CFAP251: variants seen among roughly 807,000 people sequenced by gnomAD.
The protein encoded by CFAP251 is cilia- and flagella-associated protein 251.
A neutral mutation model predicts 126.7 loss-of-function variants in CFAP251; 93 were observed. That is an observed-to-expected ratio of 0.73 (90% CI 0.62 to 0.87). The LOEUF (loss-of-function observed/expected upper bound fraction) is 0.87. Among genes scored for constraint, CFAP251 ranks in the 40% least tolerant of loss-of-function variants. The pLI, the probability that CFAP251 is intolerant of heterozygous loss-of-function variation, is 0.00. For missense variants in CFAP251, 1,287 were observed against 1,389.2 expected (o/e 0.93, Z 1.17); for synonymous variants, 503 against 506.9 (o/e 0.99, Z 0.10).
intron 21 of CFAP251, 180 bp downstream of exon 21, chr12:122,001,778 T>C (rs753553421): frequency 2.2e-5 from 14 of 627,018 alleles, no homozygotes; most frequent in Admixed American, 4.8e-5. Context: ...TGGTGGCTTT[T>C]GTTCCCGCGC....
intron 14 of CFAP251, among the ~76,000 whole-genome samples, chr12:121,961,673 A>T (rs1430171698): frequency 1.3e-5 from 2 of 152,226 alleles, no homozygotes; most frequent in African/African-American, 4.8e-5. Flanking sequence ...ATCCTTGAAC[A>T]TCTGTTTTCT....
intron 3 of CFAP251, among the ~76,000 whole-genome samples, chr12:121,930,316 G>C (rs1261122962): frequency 2.6e-5 from 4 of 152,088 alleles, no homozygotes; most frequent in African/African-American, 9.6e-5. Context: ...GTGAAACCCT[G>C]TTTCTACTAG....
chr12:121,977,721 C>A (rs1279051450), intron 19 of CFAP251, among the ~76,000 whole-genome samples: 18 of 149,344 alleles, frequency 1.2e-4, no homozygotes, highest in Non-Finnish European at 2.7e-4. Context: ...TTTGGGAGGC[C>A]AAGGCGGGCG....
rs759027289 is a variant in CFAP251 at position 121,954,228 on chromosome 12, C to T, written c.1429C>T (p.Arg477Cys). 20 of 1,613,984 alleles carry T rather than the reference C, an allele frequency of 1.2e-5. No individual in the cohort carries two copies. Among genetic ancestry groups the T allele is most frequent in the African/African-American group, 2.7e-5 (2 of 74,886 alleles). ...EGKLVVWDIH[R>C]PPSSASTFLG... ...GAAGCTGGTTGTCTGGGACATACAC[C>T]GCCCACCCTCATCTGCCTCCACCTT... The change falls in exon 10 of 22, where the codon CGC (arginine) becomes TGC (cysteine). Residue 477 changes from arginine (R) to cysteine (C), a missense_variant. Arg to Cys is a radical substitution (Grantham distance 180, BLOSUM62 -3). Coordinates refer to ENST00000288912, the MANE Select transcript of CFAP251 (RefSeq NM_144668.6).
chr12:121,987,728 A>G (rs1170636716), intron 19 of CFAP251, among the ~76,000 whole-genome samples: 1 of 152,064 alleles, frequency 6.6e-6, no homozygotes, highest in African/African-American at 2.4e-5. Flanking sequence ...AAAAAAAAAA[A>G]AAAAAGAATA....
At chr12:121,982,036 A>G (rs1593001780) in intron 19 of CFAP251, among the ~76,000 whole-genome samples, 1 of 152,168 alleles carries the variant, frequency 6.6e-6, no homozygotes, top group Admixed American at 6.5e-5. Context: ...CCATCTGTGG[A>G]TCCGTGATTC....
At chr12:121,994,023 G>T (rs1593008181) in intron 19 of CFAP251, among the ~76,000 whole-genome samples, 1 of 3,428 alleles carries the variant, frequency 2.9e-4, no homozygotes, top group Non-Finnish European at 6.4e-4. Flanking sequence ...GAGGGAGGTG[G>T]GGGGGGGGTC....
Position 121,958,499 on chromosome 12 carries a change from A to G in CFAP251, c.1958A>G (p.Gln653Arg), listed in dbSNP as rs766842938. ...GTTTTTGAGAAGGGGCTTGGAGTCCAGAGTCTGACCTACAACCCCGAAGGT... is the reference window on the plus strand; with the variant it reads ...GTTTTTGAGAAGGGGCTTGGAGTCCGGAGTCTGACCTACAACCCCGAAGGT... ...SRVFEKGLGV[Q>R]SLTYNPEGAL... is the part of the protein sequence containing the mutation. Residue 653 changes from glutamine to arginine, a missense_variant, in exon 12 of 22, where the codon CAG (glutamine) becomes CGG (arginine). Physicochemically the swap from Gln to Arg is conservative, Grantham distance 43. Coordinates refer to ENST00000288912, the MANE Select transcript of CFAP251 (RefSeq NM_144668.6). 1.9e-6 allele frequency: 3 copies of G among 1,614,256 alleles called. No individual in the cohort carries two copies. In the South Asian group the frequency reaches 3.3e-5, roughly 18 times the overall value.
intron 21 of CFAP251, 137 bp downstream of exon 21, chr12:122,001,735 C>T: frequency 1.4e-6 from 1 of 705,348 alleles, no homozygotes; most frequent in East Asian, 2.7e-5. Flanking sequence ...TGTTGGGAAT[C>T]CCACATGAAT....
At chr12:121,919,475 A>AT (rs1236117994) in intron 1 of CFAP251, among the ~76,000 whole-genome samples, 4 of 152,166 alleles carry the variant, frequency 2.6e-5, no homozygotes, top group African/African-American at 9.6e-5. Context: ...AACTGCTACC[A>AT]TTTTTTCAAG....
intron 3 of CFAP251, among the ~76,000 whole-genome samples, chr12:121,925,633 A>G (rs1880379187): frequency 1.3e-5 from 2 of 151,922 alleles, no homozygotes; most frequent in South Asian, 4.2e-4. Flanking sequence ...AGGGCTCACA[A>G]AGACTCTTGT....
chr12:121,968,957 C>T (rs927726472), intron 17 of CFAP251: 97 of 985,310 alleles, frequency 9.8e-5, no homozygotes, highest in Non-Finnish European at 1.1e-4. Flanking sequence ...CTCTCATCTA[C>T]CCAAATCCGG....
chr12:121,956,955 G>A (rs1246757538), intron 10 of CFAP251, 119 bp from the exon 11 acceptor site: 1 of 684,854 alleles, frequency 1.5e-6, no homozygotes, highest in East Asian at 3.2e-5. Flanking sequence ...CTCGTTGGGA[G>A]TATTAAATTA....
At chr12:121,919,143 A>ATTATT (rs1555215102) in intron 1 of CFAP251, among the ~76,000 whole-genome samples, 73 of 146,614 alleles carry the variant, frequency 5.0e-4, no homozygotes, top group Non-Finnish European at 6.6e-4. Context: ...TATTATTATT[A>ATTATT]TTTTTTTTTT....
chr12:121,949,222 A>G (rs2135771816), intron 8 of CFAP251, 161 bp downstream of exon 8: 1 of 379,602 alleles, frequency 2.6e-6, no homozygotes, highest in East Asian at 4.1e-5. Flanking sequence ...TAGTCCTATT[A>G]GAAATTAGCA....
At position 121,957,174 on chromosome 12, in the gene CFAP251, A is replaced by C. The variant is rs1278589708; in HGVS notation, c.1636A>C (p.Thr546Pro). The stretch of plus-strand genomic sequence containing the variant: ...TCACTTGAAACTGGGCGCCATAAGA[A>C]CTCTGTCCTTTTCAAAGACCCCAGC... ...YSHLKLGAIR[T>P]LSFSKTPATP... Residue 546 changes from threonine (T) to proline (P), a missense_variant, in exon 11 of 22, where the codon ACT (threonine) becomes CCT (proline). By Grantham distance (38) the Thr-to-Pro change is conservative. Coordinates refer to ENST00000288912, the MANE Select transcript of CFAP251 (RefSeq NM_144668.6). The C allele has an allele frequency of 6.2e-7, 1 of 1,613,962 alleles. No homozygotes were observed. The highest frequency in any genetic ancestry group is 1.7e-5 in the Admixed American group (1 of 59,994).
intron 21 of CFAP251, 189 bp downstream of exon 21, chr12:122,001,787 G>C (rs144732085): frequency 3.3e-5 from 20 of 609,316 alleles, no homozygotes; most frequent in African/African-American, 3.1e-4. Flanking sequence ...TTGTTCCCGC[G>C]CTCTGTCCGT....
At chr12:121,931,367 C>T (rs577598534) in intron 3 of CFAP251, among the ~76,000 whole-genome samples, 4 of 152,104 alleles carry the variant, frequency 2.6e-5, no homozygotes, top group Non-Finnish European at 1.5e-5. Context: ...GGCTGGAGTG[C>T]GATGGCGCGA....
chr12:121,956,743 G>C (rs147833355), intron 10 of CFAP251, among the ~76,000 whole-genome samples: 1 of 152,042 alleles, frequency 6.6e-6, no homozygotes, highest in African/African-American at 2.4e-5. Context: ...TGATCCACCC[G>C]ACTTGGCCTC....
Sources: gnomAD v4.1 joint callset for allele counts (sites outside exome capture counted in the v4.1 genomes callset) on GRCh38, gnomAD v4.1.1 for gene constraint, MANE v1.5 for transcripts, NCBI Gene and HGNC (gene_info 2026-07-23, HGNC 2026-07-21) for gene names.